Variants in PIK3AP1 observed in about 807,000 individuals in gnomAD.
PIK3AP1 encodes the protein phosphoinositide 3-kinase adapter protein 1.
A neutral mutation model predicts 88.1 loss-of-function variants in PIK3AP1; 21 were observed. That is an observed-to-expected ratio of 0.24 (90% CI 0.17 to 0.34). The LOEUF is 0.34. Ranked by LOEUF, PIK3AP1 falls within the 10% of genes least tolerant of loss-of-function variation. The pLI is 1.00. For synonymous variants in PIK3AP1, 398 were observed against 400.0 expected (o/e 1.00, Z 0.06); for missense variants, 828 against 1,035.7 (o/e 0.80, Z 2.75).
chr10:96,666,998 G>A (rs1843772410), intron 2 of PIK3AP1, among the ~76,000 whole-genome samples: 1 of 152,202 alleles, frequency 6.6e-6, no homozygotes, highest in African/African-American at 2.4e-5. Context: ...TGGAGCTTTT[G>A]CTGTCACTGA....
chr10:96,631,447 T>C (rs187688309), intron 8 of PIK3AP1, among the ~76,000 whole-genome samples: 31 of 152,162 alleles, frequency 2.0e-4, no homozygotes, highest in Admixed American at 1.9e-3. Flanking sequence ...TTTAGGGAAA[T>C]AAAATGTGGA....
chr10:96,634,325 TAG>T (rs1328272382), intron 8 of PIK3AP1, among the ~76,000 whole-genome samples: 1 of 152,194 alleles, frequency 6.6e-6, no homozygotes, highest in Non-Finnish European at 1.5e-5. Flanking sequence ...GGACAAGGGC[TAG>T]AGTCAATTGA....
chr10:96,717,039 A>C (rs1844511103), intron 1 of PIK3AP1, among the ~76,000 whole-genome samples: 1 of 152,136 alleles, frequency 6.6e-6, no homozygotes, highest in African/African-American at 2.4e-5. Context: ...AGGAGGGCAG[A>C]TCACTTGAGG....
intron 8 of PIK3AP1, among the ~76,000 whole-genome samples, chr10:96,643,656 G>T (rs774924138): frequency 6.6e-6 from 1 of 152,174 alleles, no homozygotes; most frequent in South Asian, 2.1e-4. Flanking sequence ...CATCTTGCAG[G>T]TTCTGGGGTC....
At chr10:96,616,872 A>G (rs188587186) in intron 12 of PIK3AP1, among the ~76,000 whole-genome samples, 161 bp from the exon 13 acceptor site, 1 of 152,342 alleles carries the variant, frequency 6.6e-6, no homozygotes, top group Admixed American at 6.5e-5. Context: ...CAGCCCCCAG[A>G]GAAATCCAAA....
At chr10:96,609,606 C>T in intron 14 of PIK3AP1, 106 bp downstream of exon 14, 1 of 1,330,628 alleles carries the variant, frequency 7.5e-7, no homozygotes, top group Admixed American at 2.3e-5. Context: ...CAAACCAGGC[C>T]CCACTGGAGA....
chr10:96,662,117 A>G (rs1014921102), intron 2 of PIK3AP1, among the ~76,000 whole-genome samples: 7 of 152,204 alleles, frequency 4.6e-5, no homozygotes, highest in Non-Finnish European at 1.0e-4. Context: ...AAAAAACTAA[A>G]ATCAAAATGC....
At chr10:96,615,944 T>C (rs1849208467) in intron 13 of PIK3AP1, among the ~76,000 whole-genome samples, 2 of 152,190 alleles carry the variant, frequency 1.3e-5, no homozygotes, top group African/African-American at 2.4e-5. Context: ...TGAGTGCCTC[T>C]GAAAGCCTTC....
intron 2 of PIK3AP1, among the ~76,000 whole-genome samples, chr10:96,668,122 G>A (rs1231348090): frequency 2.6e-5 from 4 of 152,090 alleles, no homozygotes; most frequent in Non-Finnish European, 5.9e-5. Flanking sequence ...TGATGGCTGC[G>A]CAACATTGTG....
intron 14 of PIK3AP1, among the ~76,000 whole-genome samples, chr10:96,608,579 G>C (rs181039080): frequency 5.6e-4 from 85 of 152,244 alleles, no homozygotes; most frequent in Middle Eastern, 3.4e-3. Context: ...CTCTCTTTCC[G>C]GGTCACAAAT....
chr10:96,651,573 G>T lies in PIK3AP1; in HGVS notation c.791C>A (p.Thr264Asn). 6.2e-7 allele frequency: 1 copy of T among 1,614,192 alleles called. No individual in the cohort carries two copies. Among genetic ancestry groups the T allele is most frequent in the Non-Finnish European group, 8.5e-7 (1 of 1,180,010 alleles). The change falls in exon 5 of 17, where the codon ACT becomes AAT. Residue 264 changes from threonine (T) to asparagine (N), a missense_variant. Thr to Asn is a moderately conservative substitution (Grantham distance 65). This residue lies in a region of PIK3AP1 where 610 missense variants were observed against 760.1 expected (regional missense o/e 0.80). Coordinates refer to ENST00000339364, the MANE Select transcript of PIK3AP1 (RefSeq NM_152309.3). ...TAAATTCCCAATTTCTTCCATGTCA[G>T]TATAATAGCTGATAACGGTTTCACA... The part of the protein sequence containing the change: ...VVCETVISYY[T>N]DMEEIGNLLS...
rs189509933 is a variant in PIK3AP1, at chr10:96,652,389, T to C, written c.712+309A>G. On this transcript the variant is annotated intron_variant, in intron 4 of 16. Transcript: ENST00000339364. ...GAGATTGAGACCATCCTGGCTAACA[T>C]GGTGAAACTCCGTCTCTACTAAAAA... 6.6e-5 allele frequency among the ~76,000 whole-genome samples: 10 copies of C among 152,184 alleles called. No homozygotes were observed. The East Asian group carries it at 1.2e-3, about 18-fold the overall frequency.
intron 2 of PIK3AP1, among the ~76,000 whole-genome samples, chr10:96,673,255 C>T (rs1262472577): frequency 6.6e-6 from 1 of 152,198 alleles, no homozygotes; most frequent in African/African-American, 2.4e-5. Flanking sequence ...CACAAAAACC[C>T]ACCTCTATCC....
intron 4 of PIK3AP1, among the ~76,000 whole-genome samples, chr10:96,652,004 G>T (rs1843545184): frequency 6.6e-6 from 1 of 152,174 alleles, no homozygotes; most frequent in African/African-American, 2.4e-5. Flanking sequence ...CACAGAAGGA[G>T]GGAAAAATCA....
At chr10:96,613,365 T>C (rs1461461894) in intron 13 of PIK3AP1, among the ~76,000 whole-genome samples, 2 of 152,134 alleles carry the variant, frequency 1.3e-5, no homozygotes, top group Non-Finnish European at 2.9e-5. Context: ...TTACAATAAG[T>C]ACCACAAACA....
chr10:96,696,935 C>A (rs1271823075), intron 2 of PIK3AP1, among the ~76,000 whole-genome samples: 2 of 152,172 alleles, frequency 1.3e-5, no homozygotes, highest in Non-Finnish European at 2.9e-5. Context: ...TGTAAAATCA[C>A]ACATAGTTGG....
chr10:96,641,092 T>TGCC (rs1350334838), intron 8 of PIK3AP1, among the ~76,000 whole-genome samples: 7 of 48,460 alleles, frequency 1.4e-4, no homozygotes, highest in Non-Finnish European at 4.5e-4. Context: ...GTGCCGTGTG[T>TGCC]GTGTGTGTGT....
At chr10:96,672,410 G>T (rs909840541) in intron 2 of PIK3AP1, among the ~76,000 whole-genome samples, 4 of 152,104 alleles carry the variant, frequency 2.6e-5, no homozygotes, top group African/African-American at 9.7e-5. Flanking sequence ...AATTCACCTG[G>T]CCCTCCTCAA....
chr10:96,604,695 C>T (rs1028358252), intron 14 of PIK3AP1, among the ~76,000 whole-genome samples: 8 of 152,186 alleles, frequency 5.3e-5, no homozygotes, highest in Admixed American at 4.6e-4. Flanking sequence ...TTCTGATTCT[C>T]AGCTCTTCAG....
Sources: allele counts gnomAD v4.1 joint callset (sites outside exome capture counted in the v4.1 genomes callset), GRCh38; gene constraint gnomAD v4.1.1; regional missense constraint gnomAD v4.1.1; transcripts MANE v1.5; gene names NCBI Gene and HGNC (gene_info 2026-07-23, HGNC 2026-07-21).